RNASEH2B: variants seen among roughly 807,000 people sequenced by gnomAD.
RNASEH2B encodes the protein ribonuclease H2 subunit B.
In RNASEH2B, 36 loss-of-function variants were observed where a neutral mutation model predicts 45.0. The observed-to-expected ratio is 0.80, with a 90% confidence interval of 0.61 to 1.06. RNASEH2B has a LOEUF of 1.06. Among genes scored for constraint, RNASEH2B ranks in the 50% least tolerant of loss-of-function variants. The pLI, the probability that RNASEH2B is intolerant of heterozygous loss-of-function variation, is 0.00. For missense variants in RNASEH2B, 361 were observed against 360.3 expected (o/e 1.00, Z -0.02); for synonymous variants, 119 against 125.7 (o/e 0.95, Z 0.35).
At chr13:50,932,568 G>A (rs1951693702) in intron 4 of RNASEH2B, among the ~76,000 whole-genome samples, 1 of 152,170 alleles carries the variant, frequency 6.6e-6, no homozygotes, top group Non-Finnish European at 1.5e-5. Flanking sequence ...TGAATCATCT[G>A]TGCAGATGTC....
At chr13:50,943,271 A>C (rs756167483) in intron 5 of RNASEH2B, 50 bp from the exon 6 acceptor site, 2 of 1,025,604 alleles carry the variant, frequency 2.0e-6, no homozygotes, top group East Asian at 4.7e-5. Context: ...CAACCTTAGG[A>C]GTTTATTTTT....
intron 9 of RNASEH2B, 59 bp downstream of exon 9, chr13:50,949,564 A>C: frequency 6.9e-7 from 1 of 1,450,250 alleles, no homozygotes; most frequent in East Asian, 2.3e-5. Flanking sequence ...CACTCTTACC[A>C]CATGAGTTTA....
intron 5 of RNASEH2B, chr13:50,937,148 A>G (rs1466439144): frequency 2.6e-5 from 4 of 152,166 alleles, no homozygotes; most frequent in Non-Finnish European, 5.9e-5. Context: ...TCTTCCCTTA[A>G]TAAGCTGCAG....
chr13:50,962,351 G>A (rs922590368), intron 9 of RNASEH2B, among the ~76,000 whole-genome samples: 18 of 152,130 alleles, frequency 1.2e-4, no homozygotes, highest in African/African-American at 4.1e-4. Flanking sequence ...TTCTTTGGGG[G>A]AAACTTTTAA....
intron 9 of RNASEH2B, among the ~76,000 whole-genome samples, chr13:50,965,236 A>G (rs1952153587): frequency 6.6e-6 from 1 of 152,220 alleles, no homozygotes; most frequent in African/African-American, 2.4e-5. Flanking sequence ...AGTTGCCTAC[A>G]GTATTCAGTA....
At chr13:50,930,101 A>C (rs1015823231) in intron 3 of RNASEH2B, 2 of 217,018 alleles carry the variant, frequency 9.2e-6, no homozygotes, top group African/African-American at 4.7e-5. Context: ...ATTTGGGGGC[A>C]GTGCTGACTA....
chr13:50,939,276 G>GTT (rs1951803152), intron 5 of RNASEH2B: 1 of 152,146 alleles, frequency 6.6e-6, no homozygotes, highest in African/African-American at 2.4e-5. Flanking sequence ...AGAATGGCAT[G>GTT]AACCCAGGAG....
At chr13:50,969,105 G>T (rs1011986320) in intron 9 of RNASEH2B, among the ~76,000 whole-genome samples, 3 of 152,184 alleles carry the variant, frequency 2.0e-5, no homozygotes, top group African/African-American at 7.2e-5. Context: ...AGGAAATGCG[G>T]ATATCAACAT....
At position 50,916,525 on chromosome 13, in the gene RNASEH2B, G is replaced by A. The variant is rs138969742; in HGVS notation, c.64+6385G>A. ...TCAGACAGTAGACAGTACATATTTG[G>A]AATGGGTTATCTTTGAAAGTGGATA... On this transcript the variant is annotated intron_variant, in intron 1 of 10. Transcript: ENST00000336617. 9.8e-4 allele frequency among the ~76,000 whole-genome samples: 149 copies of A among 152,298 alleles called. 1 individual carries two copies. Among genetic ancestry groups the A allele is most frequent in the Admixed American group, 3.9e-3 (60 of 15,290 alleles).
At chr13:50,921,621 A>G (rs944201804) in intron 1 of RNASEH2B, among the ~76,000 whole-genome samples, 2 of 152,230 alleles carry the variant, frequency 1.3e-5, no homozygotes, top group African/African-American at 4.8e-5. Context: ...AATACCAGGT[A>G]TAGACTAAGG....
chr13:50,953,666 A>T, intron 9 of RNASEH2B: 1 of 568,062 alleles, frequency 1.8e-6, no homozygotes, highest in South Asian at 2.0e-5. Context: ...GGGCTCAGCC[A>T]TGTACTTACC....
At chr13:50,945,328 T>G in intron 6 of RNASEH2B, 99 bp from the exon 7 acceptor site, 1 of 797,576 alleles carries the variant, frequency 1.3e-6, no homozygotes, top group East Asian at 2.6e-5. Context: ...AATACTTCTT[T>G]GCAGATCTCT....
intron 1 of RNASEH2B, among the ~76,000 whole-genome samples, chr13:50,918,432 C>T (rs552154099): frequency 6.6e-5 from 10 of 152,194 alleles, no homozygotes; most frequent in African/African-American, 1.7e-4. Flanking sequence ...CCACTGCGCC[C>T]GGCCTCTAAT....
intron 1 of RNASEH2B, among the ~76,000 whole-genome samples, chr13:50,917,076 T>C (rs1879786772): frequency 6.6e-6 from 1 of 152,190 alleles, no homozygotes; most frequent in Non-Finnish European, 1.5e-5. Flanking sequence ...TTGAAACCTT[T>C]CAAAACAGCC....
intron 6 of RNASEH2B, among the ~76,000 whole-genome samples, chr13:50,943,736 T>C (rs574774463): frequency 1.3e-5 from 2 of 152,236 alleles, no homozygotes; most frequent in South Asian, 2.1e-4. Flanking sequence ...TGCAGGTGTC[T>C]CCAAGGGTGA....
At chr13:50,927,221 T>G in intron 1 of RNASEH2B, 186 bp from the exon 2 acceptor site, 3 of 521,186 alleles carry the variant, frequency 5.8e-6, no homozygotes, top group Non-Finnish European at 1.1e-5. Context: ...TTAAACTACC[T>G]GAAATTCAAC....
chr13:50,949,166 C>A (rs1951943732), intron 8 of RNASEH2B: 1 of 310,102 alleles, frequency 3.2e-6, no homozygotes, highest in African/African-American at 2.2e-5. Context: ...AAAAATACTC[C>A]AACACCGAAA....
intron 1 of RNASEH2B, among the ~76,000 whole-genome samples, chr13:50,918,480 A>G (rs761431301): frequency 1.3e-5 from 2 of 152,138 alleles, no homozygotes; most frequent in African/African-American, 4.8e-5. Flanking sequence ...AGAAAGTTAC[A>G]CTTAGAGGAA....
At chr13:50,958,990 G>A (rs1252076798), downstream of RNASEH2B, among the ~76,000 whole-genome samples, 3 of 152,190 alleles carry the variant, frequency 2.0e-5, no homozygotes, top group Admixed American at 1.3e-4. Context: ...AACAGTGGGT[G>A]TGAAAGCTTA....
Sources: allele counts gnomAD v4.1 joint callset (sites outside exome capture counted in the v4.1 genomes callset), GRCh38; gene constraint gnomAD v4.1.1; transcripts MANE v1.5; gene names NCBI Gene and HGNC (gene_info 2026-07-23, HGNC 2026-07-21).